Variants in PLA2G5 observed in about 807,000 individuals in gnomAD.
PLA2G5 encodes Ca2+-dependent phospholipase A2.
In PLA2G5, 12 loss-of-function variants were observed where a neutral mutation model predicts 15.9. That is an observed-to-expected ratio of 0.76 (90% confidence interval 0.48 to 1.23). The LOEUF (loss-of-function observed/expected upper bound fraction) is 1.23. PLA2G5 is among the 50% of genes most tolerant of loss of function. The pLI, the probability that PLA2G5 is intolerant of heterozygous loss-of-function variation, is 0.00. For missense variants in PLA2G5, 169 were observed against 177.1 expected (o/e 0.95, Z 0.26); for synonymous variants, 71 against 71.4 (o/e 0.99, Z 0.03).
At chr1:20,067,856 T>C (rs10916702), upstream of PLA2G5, among the ~76,000 whole-genome samples, 126,857 of 152,206 alleles carry the variant, frequency 0.83, 52,955 homozygotes, top group East Asian at 0.92. Context: ...CGGTGGCTCA[T>C]GCCTGTAATC....
intron 1 of PLA2G5, among the ~76,000 whole-genome samples, chr1:20,071,911 CA>C (rs2015395042): frequency 6.6e-6 from 1 of 152,076 alleles, no homozygotes; most frequent in African/African-American, 2.4e-5. Context: ...AGATCGAGAC[CA>C]ATCTGGCCAA....
chr1:20,066,803 T>C (rs1300582238), upstream of PLA2G5, among the ~76,000 whole-genome samples: 1 of 151,954 alleles, frequency 6.6e-6, no homozygotes, highest in Non-Finnish European at 1.5e-5. Flanking sequence ...GGCCAGGAGT[T>C]CCAAAACAGC....
chr1:20,088,269 A>G (rs1157014398), intron 3 of PLA2G5, among the ~76,000 whole-genome samples: 1 of 151,106 alleles, frequency 6.6e-6, no homozygotes, highest in African/African-American at 2.5e-5. Flanking sequence ...AGGCAGGAGA[A>G]TCACTTGAAC....
intron 1 of PLA2G5, among the ~76,000 whole-genome samples, chr1:20,080,984 T>C (rs889075501): frequency 4.0e-5 from 6 of 151,870 alleles, no homozygotes; most frequent in East Asian, 1.9e-4. Flanking sequence ...TTCCGTGCAA[T>C]GAGGCTCCGC....
At chr1:20,072,479 CAG>C (rs1157383601) in intron 1 of PLA2G5, among the ~76,000 whole-genome samples, 1 of 151,934 alleles carries the variant, frequency 6.6e-6, no homozygotes, top group Non-Finnish European at 1.5e-5. Flanking sequence ...GAAAAGGGAA[CAG>C]GGGGAGGGAG....
upstream of PLA2G5, among the ~76,000 whole-genome samples, chr1:20,067,749 G>A (rs1365495503): frequency 6.6e-6 from 1 of 151,916 alleles, no homozygotes; most frequent in African/African-American, 2.4e-5. Flanking sequence ...TAGAAAAATA[G>A]ATCAAAGCAA....
chr1:20,033,900 C>T (rs182941849), intron 1 of PLA2G5, among the ~76,000 whole-genome samples: 97 of 151,958 alleles, frequency 6.4e-4, no homozygotes, highest in African/African-American at 2.2e-3. Context: ...AAGCTAAAGT[C>T]GGGAATTCAC....
chr1:20,089,956 C>G lies in PLA2G5; in HGVS notation c.292+61C>G, dbSNP rs919847865. ...AGCACCTGACTTTAAGTTCAGCTGC[C>G]CTAGAGAACAGCCAGCCTGTATCTT... On this transcript the variant is annotated intron_variant, in intron 4 of 4. Coordinates refer to ENST00000375108, the MANE Select transcript of PLA2G5 (RefSeq NM_000929.3). The G allele has an allele frequency of 5.9e-6, 7 of 1,185,722 alleles. No individual in the cohort carries two copies. In the African/African-American group the frequency reaches 1.1e-4, roughly 18 times the overall value. 73.5% of individuals were successfully genotyped at this position (1,185,722 alleles called of 1,614,324 possible).
chr1:20,040,793 C>T (rs2100334806), intron 1 of PLA2G5, among the ~76,000 whole-genome samples: 1 of 152,362 alleles, frequency 6.6e-6, no homozygotes, highest in South Asian at 2.1e-4. Flanking sequence ...CAGAGTCACC[C>T]ATCTGCTCAC....
At chr1:20,028,690 AGACT>A (rs1318896586) in exon 1 of PLA2G5, 9 of 152,174 alleles carry the variant, frequency 5.9e-5, no homozygotes, top group Non-Finnish European at 1.2e-4. Context: ...AGCTTTTGGG[AGACT>A]GACTGGGCTA....
At position 20,075,670 on chromosome 1, in the gene PLA2G5, A is replaced by C. The variant is rs1230521530; in HGVS notation, c.-11+5205A>C. Among the ~76,000 whole-genome samples, 3 of 152,010 alleles carry C rather than the reference A, an allele frequency of 2.0e-5. No homozygotes were observed. The South Asian group carries it at 6.2e-4, about 32-fold the overall frequency. On this transcript the variant is annotated intron_variant, in intron 1 of 4. Transcript: ENST00000375108. ...TGACCAGTGATTCCTCCAGGCAGAG[A>C]GCAATTGTGAGGCAGATTAGACTTA...
At chr1:20,081,430 T>C (rs867810205) in intron 1 of PLA2G5, among the ~76,000 whole-genome samples, 1 of 151,768 alleles carries the variant, frequency 6.6e-6, no homozygotes, top group African/African-American at 2.4e-5. Context: ...TATTTACAGC[T>C]CCCAGAAGAA....
Position 20,032,353 on chromosome 1 carries a change from G to GT in PLA2G5, n.276+3657dup, listed in dbSNP as rs71010528. ...GAATAGAAGTGACAGTGTGTGTGTGGTTTTTTTTTTTTTGATGGTGGTAGG... is the reference window on the plus strand; with the variant it reads ...GAATAGAAGTGACAGTGTGTGTGTGGTTTTTTTTTTTTTTGATGGTGGTAGG... On this transcript the variant is annotated intron_variant and non_coding_transcript_variant, in intron 1 of 6. Transcript: ENST00000460175. 7.6e-3 allele frequency among the ~76,000 whole-genome samples: 1,097 copies of GT among 144,788 alleles called. 18 individuals carry two copies. The East Asian group carries it at 0.095, about 13-fold the overall frequency. 95.0% of individuals were successfully genotyped at this position (144,788 alleles called of 152,430 possible).
chr1:20,068,719 G>C (rs976137737), upstream of PLA2G5, among the ~76,000 whole-genome samples: 2 of 152,104 alleles, frequency 1.3e-5, no homozygotes, highest in African/African-American at 4.8e-5. Context: ...CCAAAGTGCT[G>C]GGATTACAGG....
chr1:20,072,715 C>T (rs539361371), intron 1 of PLA2G5, among the ~76,000 whole-genome samples: 1 of 151,982 alleles, frequency 6.6e-6, no homozygotes, highest in Non-Finnish European at 1.5e-5. Flanking sequence ...AAGATTGACC[C>T]AGGAAAAAAG....
intron 1 of PLA2G5, among the ~76,000 whole-genome samples, chr1:20,040,605 CAA>C (rs368237893): frequency 1.4e-5 from 2 of 146,544 alleles, no homozygotes; most frequent in African/African-American, 5.1e-5. Context: ...CACACACACA[CAA>C]ACACTCACAC....
intron 1 of PLA2G5, among the ~76,000 whole-genome samples, chr1:20,057,237 C>A (rs2014478689): frequency 6.6e-6 from 1 of 150,822 alleles, no homozygotes; most frequent in South Asian, 2.1e-4. Flanking sequence ...TTTGTTATTT[C>A]TTTTCTTCTA....
At chr1:20,080,571 C>A (rs985555429) in intron 1 of PLA2G5, among the ~76,000 whole-genome samples, 1 of 152,072 alleles carries the variant, frequency 6.6e-6, no homozygotes, top group African/African-American at 2.4e-5. Flanking sequence ...GAAAGCCAGA[C>A]TTCGTCTCAA....
intron 1 of PLA2G5, among the ~76,000 whole-genome samples, chr1:20,040,340 T>C (rs1168276315): frequency 2.0e-5 from 3 of 152,228 alleles, no homozygotes; most frequent in South Asian, 4.1e-4. Flanking sequence ...ATCTTACTTA[T>C]GTGCATCTCC....
Sources: allele counts gnomAD v4.1 joint callset (sites outside exome capture counted in the v4.1 genomes callset), GRCh38; gene constraint gnomAD v4.1.1; transcripts MANE v1.5; gene names NCBI Gene and HGNC (gene_info 2026-07-23, HGNC 2026-07-21).